The following TUSC3 variants were observed in gnomAD, a reference collection of about 807,000 sequenced individuals.
The protein encoded by TUSC3 is dolichyl-diphosphooligosaccharide--protein glycosyltransferase subunit TUSC3.
Under a neutral mutation model 44.8 loss-of-function variants are expected in TUSC3, and 45 were observed. The observed-to-expected ratio is 1.00, with a 90% CI of 0.79 to 1.29. TUSC3 has a LOEUF of 1.29. Ranked by LOEUF, TUSC3 falls within the 50% of genes most tolerant of loss-of-function variation. The probability of loss-of-function intolerance (pLI) is 0.00; values close to 1 mark genes in which losing one functional copy is unlikely to be tolerated. For synonymous variants in TUSC3, 212 were observed against 152.9 expected, an observed-to-expected ratio of 1.39 and a Z score of -2.85; for missense variants, 519 against 437.9, an observed-to-expected ratio of 1.19 and a Z score of -1.65.
intron 5 of TUSC3, among the ~76,000 whole-genome samples, chr8:15,671,278 C>G (rs949410968): frequency 1.1e-4 from 16 of 152,056 alleles, no homozygotes; most frequent in African/African-American, 3.6e-4. Context: ...GAAAATTAAT[C>G]TAGCTGTAAC....
At position 15,748,359 on chromosome 8, in the gene TUSC3, T is replaced by C. The variant is rs1811513883; in HGVS notation, c.938-16T>C. On this transcript the variant is annotated splice_polypyrimidine_tract_variant and intron_variant, in intron 8 of 10. Coordinates refer to ENST00000503731, the MANE Select transcript of TUSC3 (RefSeq NM_006765.4). Reference sequence around the variant, plus strand: ...CATATTTTTAGACACTAATGGTATTTTCTGTCTGTTTCTAGTAATTTGCCT... The same window carrying C: ...CATATTTTTAGACACTAATGGTATTCTCTGTCTGTTTCTAGTAATTTGCCT... 6.3e-7 allele frequency: 1 copy of C among 1,592,924 alleles called. No individual in the cohort carries two copies. The highest frequency in any genetic ancestry group is 8.6e-7 in the Non-Finnish European group (1 of 1,161,080).
intron 2 of TUSC3, among the ~76,000 whole-genome samples, chr8:15,640,114 A>G (rs1806297105): frequency 6.6e-6 from 1 of 152,150 alleles, no homozygotes; most frequent in South Asian, 2.1e-4. Context: ...ACTGTTTACA[A>G]ACAATGTGGT....
intron 1 of TUSC3, among the ~76,000 whole-genome samples, chr8:15,550,704 C>A (rs1177858494): frequency 6.6e-6 from 1 of 151,268 alleles, no homozygotes; most frequent in Non-Finnish European, 1.5e-5. Flanking sequence ...TAGTGTCTCT[C>A]ACTGTCACCC....
intron 1 of TUSC3, among the ~76,000 whole-genome samples, chr8:15,437,190 A>C (rs902473920): frequency 1.3e-5 from 2 of 152,200 alleles, no homozygotes; most frequent in Non-Finnish European, 2.9e-5. Flanking sequence ...AATTGTATTA[A>C]TTGTATTACA....
At chr8:15,426,935 G>T (rs1210182223) in intron 1 of TUSC3, among the ~76,000 whole-genome samples, 1 of 152,166 alleles carries the variant, frequency 6.6e-6, no homozygotes, top group Non-Finnish European at 1.5e-5. Context: ...AAAGATAATT[G>T]TAGCTTTCAT....
intron 4 of TUSC3, among the ~76,000 whole-genome samples, chr8:15,660,919 A>C (rs71524158): frequency 0.27 from 39,699 of 149,696 alleles, 5,830 homozygotes; most frequent in Non-Finnish European, 0.33. Context: ...AAAAAAAAAA[A>C]AACCCATAAA....
chr8:15,616,658 C>T (rs1289061073), intron 1 of TUSC3, among the ~76,000 whole-genome samples: 1 of 152,154 alleles, frequency 6.6e-6, no homozygotes, highest in African/African-American at 2.4e-5. Flanking sequence ...AAATATTTTT[C>T]ATTCATTCTG....
chr8:15,540,338 C>A lies in TUSC3; in HGVS notation c.-93C>A, dbSNP rs946317060. 1 of 1,372,742 alleles carries A rather than the reference C, an allele frequency of 7.3e-7. No homozygotes were observed. The highest frequency in any genetic ancestry group is 9.4e-7 in the Non-Finnish European group (1 of 1,063,070). 85.0% of individuals were successfully genotyped at this position (1,372,742 alleles called of 1,614,324 possible). On this transcript the variant is annotated 5_prime_UTR_variant, in exon 1 of 11. Coordinates refer to ENST00000503731, the MANE Select transcript of TUSC3 (RefSeq NM_006765.4). The stretch of plus-strand genomic sequence containing the variant: ...CTGCCATCCCGGAGGGCCCAGCCAG[C>A]GGGCTCCCGGAGGCTGGCCGGGCAG...
chr8:15,566,710 AC>A (rs1802691230), intron 1 of TUSC3, among the ~76,000 whole-genome samples: 1 of 151,510 alleles, frequency 6.6e-6, no homozygotes, highest in South Asian at 2.1e-4. Context: ...GCCACAACCA[AC>A]CTCCTAGGCT....
intron 1 of TUSC3, among the ~76,000 whole-genome samples, chr8:15,453,182 T>C (rs1800215658): frequency 1.3e-5 from 2 of 152,204 alleles, no homozygotes; most frequent in Non-Finnish European, 2.9e-5. Context: ...AACTGCCAAC[T>C]GGGAGTGTTT....
At chr8:15,507,869 T>C (rs7014194) in intron 2 of TUSC3, among the ~76,000 whole-genome samples, 10,919 of 151,930 alleles carry the variant, frequency 0.072, 529 homozygotes, top group African/African-American at 0.14. Context: ...AGAGGTACAG[T>C]CAGATGGAAA....
At chr8:15,756,273 CTCTCTA>C (rs1811924619) in intron 9 of TUSC3, among the ~76,000 whole-genome samples, 1 of 152,116 alleles carries the variant, frequency 6.6e-6, no homozygotes, top group Non-Finnish European at 1.5e-5. Context: ...AGTTACCTCT[CTCTCTA>C]TATTTAACTT....
intron 3 of TUSC3, among the ~76,000 whole-genome samples, chr8:15,657,631 A>C (rs779235197): frequency 6.6e-6 from 1 of 152,192 alleles, no homozygotes; most frequent in South Asian, 2.1e-4. Flanking sequence ...AGCCCTCTCT[A>C]GAATCACCCT....
intron 1 of TUSC3, among the ~76,000 whole-genome samples, chr8:15,603,468 T>G (rs1444542415): frequency 6.6e-6 from 1 of 151,634 alleles, no homozygotes; most frequent in African/African-American, 2.4e-5. Context: ...AGTAAGTTTT[T>G]GTATTCTGTG....
upstream of TUSC3, chr8:15,417,190 T>G (rs906731957): frequency 2.0e-5 from 3 of 152,496 alleles, no homozygotes; most frequent in East Asian, 5.8e-4. Flanking sequence ...CCCTCTTCAC[T>G]ATCTTCCTCC....
chr8:15,551,951 G>T (rs1053568489), intron 1 of TUSC3, among the ~76,000 whole-genome samples: 13 of 151,532 alleles, frequency 8.6e-5, no homozygotes, highest in African/African-American at 3.1e-4. Flanking sequence ...TGATTCCAGG[G>T]AACTTTATAC....
intron 7 of TUSC3, among the ~76,000 whole-genome samples, chr8:15,736,718 G>A (rs923239033): frequency 6.6e-6 from 1 of 152,022 alleles, no homozygotes; most frequent in Admixed American, 6.6e-5. Context: ...TAACTAATCT[G>A]CCTTTTTTTC....
At chr8:15,542,551 T>C (rs4831340) in intron 1 of TUSC3, among the ~76,000 whole-genome samples, 1 of 151,894 alleles carries the variant, frequency 6.6e-6, no homozygotes, top group Non-Finnish European at 1.5e-5. Flanking sequence ...CTTACATTTT[T>C]GTTTTTCGTT....
chr8:15,761,213 T>A (rs1051224770), intron 10 of TUSC3, among the ~76,000 whole-genome samples: 22 of 152,176 alleles, frequency 1.4e-4, no homozygotes, highest in African/African-American at 5.1e-4. Flanking sequence ...GGAATATTAA[T>A]CCTTAGCAAA....
Sources: allele counts gnomAD v4.1 joint callset (sites outside exome capture counted in the v4.1 genomes callset), GRCh38; gene constraint gnomAD v4.1.1; transcripts MANE v1.5; gene names NCBI Gene and HGNC (gene_info 2026-07-23, HGNC 2026-07-21).